PPARGC1B: variants seen among roughly 807,000 people sequenced by gnomAD.
The protein encoded by PPARGC1B is PPARG coactivator 1 beta.
PPARGC1B carries 34 observed loss-of-function variants against 101.6 expected under a neutral mutation model. That is an observed-to-expected ratio of 0.33 (90% CI 0.25 to 0.45). The LOEUF (loss-of-function observed/expected upper bound fraction) is 0.45. Among genes scored for constraint, PPARGC1B ranks in the 20% least tolerant of loss-of-function variants. The pLI, the probability that PPARGC1B is intolerant of heterozygous loss-of-function variation, is 1.00. For synonymous variants in PPARGC1B, 548 were observed against 539.3 expected, an observed-to-expected ratio of 1.02 and a Z score of -0.22; for missense variants, 1,234 against 1,317.6, an observed-to-expected ratio of 0.94 and a Z score of 0.98.
In PPARGC1B at chr5:149,833,223, T is replaced by G. The variant is rs1240114324; in HGVS notation, c.1150T>G (p.Ser384Ala). Reference sequence around the variant, plus strand: ...CAGGCCCCCCAAAGACAGTCAGGCCTCCCCTGGTCGCCCGTCCTCGGTGGA... The same window carrying G: ...CAGGCCCCCCAAAGACAGTCAGGCCGCCCCTGGTCGCCCGTCCTCGGTGGA... ...RPRPPKDSQA[S>A]PGRPSSVEEV... Residue 384 changes from serine (S) to alanine (A), a missense_variant, in exon 5 of 12, where the codon TCC (serine) becomes GCC (alanine). Transcript: ENST00000309241. This position sits in a 1 kb window ranked among gnomAD's most constrained non-coding sequence, Gnocchi z 4.1. 1 of 1,612,910 alleles carries G rather than the reference T, an allele frequency of 6.2e-7. No homozygotes were observed. The highest frequency in any genetic ancestry group is 2.2e-5 in the East Asian group (1 of 44,866).
At chr5:149,779,301 G>T (rs1756508097) in intron 1 of PPARGC1B, among the ~76,000 whole-genome samples, 1 of 152,184 alleles carries the variant, frequency 6.6e-6, no homozygotes, top group Non-Finnish European at 1.5e-5. Flanking sequence ...CATACACCAT[G>T]CCTGGCACGA....
chr5:149,767,685 G>A (rs995954952), intron 1 of PPARGC1B, among the ~76,000 whole-genome samples: 2 of 152,120 alleles, frequency 1.3e-5, no homozygotes, highest in African/African-American at 4.8e-5. Flanking sequence ...TCTCACTGGG[G>A]TATCCCATTC....
chr5:149,741,589 T>C (rs1221891071), intron 1 of PPARGC1B, among the ~76,000 whole-genome samples: 2 of 152,102 alleles, frequency 1.3e-5, no homozygotes, highest in African/African-American at 2.4e-5. Flanking sequence ...AATGCCATAC[T>C]GTTCCCACCA....
At chr5:149,810,649 A>G (rs1757818089) in intron 1 of PPARGC1B, among the ~76,000 whole-genome samples, 1 of 152,232 alleles carries the variant, frequency 6.6e-6, no homozygotes, top group African/African-American at 2.4e-5. Context: ...TCATTTAAAG[A>G]GAGATGGATC....
At position 149,832,685 on chromosome 5, in the gene PPARGC1B, C is replaced by T. The variant is rs1315038676; in HGVS notation, c.612C>T (p.Pro204=). The change falls in exon 5 of 12, where the codon CCC becomes CCT. Residue 204 remains proline, a synonymous_variant. Transcript: ENST00000309241. The surrounding 1 kb of genome is among the most constrained non-coding windows in gnomAD (Gnocchi z 4.9). ...ACAGCACCCAAGACAAGAAGGCTCC[C>T]ATGATGCAGTCTCAGAGCCGAAGTT... ...KADSTQDKKA[P]MMQSQSRSCT... is the part of the protein sequence containing the mutation. 1.3e-6 allele frequency: 2 copies of T among 1,555,306 alleles called. No homozygotes were observed. The highest frequency in any genetic ancestry group is 1.7e-6 in the Non-Finnish European group (2 of 1,147,718).
intron 1 of PPARGC1B, among the ~76,000 whole-genome samples, chr5:149,777,352 GTC>G (rs1273584942): frequency 6.6e-6 from 1 of 152,168 alleles, no homozygotes; most frequent in African/African-American, 2.4e-5. Context: ...TGAGCTCTCT[GTC>G]TGCAGAACCT....
At chr5:149,780,849 A>G (rs1756569912) in intron 1 of PPARGC1B, among the ~76,000 whole-genome samples, 1 of 152,198 alleles carries the variant, frequency 6.6e-6, no homozygotes, top group Non-Finnish European at 1.5e-5. Context: ...AAACATTGGC[A>G]CGGGAGAGGC....
intron 1 of PPARGC1B, among the ~76,000 whole-genome samples, chr5:149,795,072 A>G (rs1481085105): frequency 3.9e-5 from 6 of 152,254 alleles, no homozygotes; most frequent in Non-Finnish European, 8.8e-5. Context: ...TTCCCTGTAT[A>G]GTAGAATTAG....
intron 1 of PPARGC1B, among the ~76,000 whole-genome samples, chr5:149,804,130 G>A (rs1401999648): frequency 2.6e-5 from 4 of 152,232 alleles, no homozygotes; most frequent in Non-Finnish European, 5.9e-5. Flanking sequence ...CCCCGGTAAA[G>A]GGGGGTTAGT....
In PPARGC1B at chr5:149,836,957, C is replaced by G. The variant is rs759959725; in HGVS notation, c.2502C>G (p.His834Gln). ...DSGVSPTCSD[H>Q]CPYQSPPSKA... is the part of the protein sequence containing the mutation. ...GGGTCAGCCCCACTTGCTCTGACCA[C>G]TGCCCCTACCAGAGCCCACCAAGCA... Residue 834 changes from histidine (H) to glutamine (Q), a missense_variant, in exon 8 of 12, where the codon CAC becomes CAG. His to Gln is a conservative substitution (Grantham distance 24). This residue lies in a region of PPARGC1B where 497 missense variants were observed against 529.5 expected (regional missense o/e 0.94). Coordinates refer to ENST00000309241, the MANE Select transcript of PPARGC1B (RefSeq NM_133263.4). 1.9e-6 allele frequency: 3 copies of G among 1,614,126 alleles called. No individual in the cohort carries two copies. The highest frequency in any genetic ancestry group is 2.5e-6 in the Non-Finnish European group (3 of 1,180,048).
At chr5:149,784,435 G>C (rs2113233137) in intron 1 of PPARGC1B, among the ~76,000 whole-genome samples, 1 of 152,054 alleles carries the variant, frequency 6.6e-6, no homozygotes, top group East Asian at 1.9e-4. Flanking sequence ...CCCCCCAGTG[G>C]CCCCCTGGTC....
intron 1 of PPARGC1B, among the ~76,000 whole-genome samples, chr5:149,734,321 CAA>C (rs1221455764): frequency 0.022 from 1,418 of 64,490 alleles, 10 homozygotes; most frequent in African/African-American, 0.056. Context: ...AACTCATTCT[CAA>C]AAAAAAAAAA....
chr5:149,790,420 C>T (rs1756974041), intron 1 of PPARGC1B, among the ~76,000 whole-genome samples: 1 of 152,108 alleles, frequency 6.6e-6, no homozygotes, highest in African/African-American at 2.4e-5. Context: ...CCTGCACACC[C>T]TCCCTGTGCA....
At chr5:149,815,658 T>C (rs1285959574) in intron 1 of PPARGC1B, among the ~76,000 whole-genome samples, 1 of 152,186 alleles carries the variant, frequency 6.6e-6, no homozygotes, top group Non-Finnish European at 1.5e-5. Flanking sequence ...TTGCCATCCA[T>C]GCCTCAGCCT....
intron 7 of PPARGC1B, among the ~76,000 whole-genome samples, chr5:149,835,958 C>CTT (rs1202446844): frequency 3.6e-3 from 466 of 128,038 alleles, no homozygotes; most frequent in Admixed American, 6.1e-3. Flanking sequence ...TTTTTTTTTT[C>CTT]TTTTTTTTTT....
rs560574333 is a variant in PPARGC1B at position 149,740,879 on chromosome 5, A to G, written c.78+10459A>G. ...CAACGACAATGATGTAAAAATATAA[A>G]ACACACAAATGTCAATTTGAGCTTT... On this transcript the variant is annotated intron_variant, in intron 1 of 11. Transcript: ENST00000309241. Among the ~76,000 whole-genome samples, 234 of 152,326 alleles carry G rather than the reference A, an allele frequency of 1.5e-3. 2 individuals are homozygous for G. The highest frequency in any genetic ancestry group is 5.4e-3 in the African/African-American group (224 of 41,560).
chr5:149,779,970 C>T (rs1269752381), intron 1 of PPARGC1B, among the ~76,000 whole-genome samples: 2 of 152,304 alleles, frequency 1.3e-5, no homozygotes, highest in East Asian at 3.9e-4. Flanking sequence ...TTTTCATTTC[C>T]TAATACCCTC....
chr5:149,799,134 G>A (rs1461384172), intron 1 of PPARGC1B, among the ~76,000 whole-genome samples: 1 of 152,010 alleles, frequency 6.6e-6, no homozygotes, highest in Non-Finnish European at 1.5e-5. Flanking sequence ...TCTCATCCCT[G>A]TCTGTCTGTC....
At chr5:149,783,979 C>A (rs549580528) in intron 1 of PPARGC1B, among the ~76,000 whole-genome samples, 1 of 152,230 alleles carries the variant, frequency 6.6e-6, no homozygotes, top group African/African-American at 2.4e-5. Context: ...TACATGCCTG[C>A]CCCAGCCTAG....
Sources: gnomAD v4.1 joint callset for allele counts (sites outside exome capture counted in the v4.1 genomes callset) on GRCh38, gnomAD v4.1.1 for gene constraint, gnomAD v4.1.1 regional missense constraint, Gnocchi (gnomAD v3.1) non-coding constraint, MANE v1.5 for transcripts, NCBI Gene and HGNC (gene_info 2026-07-23, HGNC 2026-07-21) for gene names.